Variants in MARCHF4 observed in about 807,000 individuals in gnomAD.
The protein encoded by MARCHF4 is E3 ubiquitin-protein ligase MARCHF4.
MARCHF4 carries 14 observed loss-of-function variants against 43.9 expected under a neutral mutation model. The observed-to-expected ratio is 0.32, with a 90% CI of 0.21 to 0.50. The LOEUF (loss-of-function observed/expected upper bound fraction) is 0.50, where lower values mean the gene tolerates loss of function less well. Among genes scored for constraint, MARCHF4 ranks in the 20% least tolerant of loss-of-function variants. MARCHF4 has a pLI of 0.98. For synonymous variants in MARCHF4, 226 were observed against 213.3 expected (o/e 1.06, Z -0.52); for missense variants, 468 against 536.7 (o/e 0.87, Z 1.27).
At chr2:216,328,323 C>T (rs1309229827) in intron 1 of MARCHF4, among the ~76,000 whole-genome samples, 1 of 152,208 alleles carries the variant, frequency 6.6e-6, no homozygotes, top group Non-Finnish European at 1.5e-5. Flanking sequence ...GTGTGCACCA[C>T]CATGCCCGGC....
At position 216,354,988 on chromosome 2, in the gene MARCHF4, T is replaced by C. The variant is rs181472976; in HGVS notation, c.516+14757A>G. Among the ~76,000 whole-genome samples, 299 of 144,162 alleles carry C rather than the reference T, an allele frequency of 2.1e-3. 4 individuals carry two copies. The highest frequency in any genetic ancestry group is 2.7e-3 in the Non-Finnish European group (178 of 66,580). The allele number at this position is 144,162 out of a possible 152,430, so 94.6% of individuals were successfully genotyped here. A position where few individuals can be genotyped will look rare whatever the true frequency, so the allele number is the denominator to read the frequency against. On this transcript the variant is annotated intron_variant, in intron 1 of 3. Coordinates refer to ENST00000273067, the MANE Select transcript of MARCHF4 (RefSeq NM_020814.3). ...CTTTCTTTCTTTCTTTCTTTCTTTT[T>C]TGAGACAGAGTCTAACTTTGTCACC...
intron 1 of MARCHF4, among the ~76,000 whole-genome samples, chr2:216,328,287 A>G (rs1207197509): frequency 6.6e-6 from 1 of 152,176 alleles, no homozygotes; most frequent in Non-Finnish European, 1.5e-5. Flanking sequence ...CTCCTGCCTC[A>G]GCCTCCCAAG....
rs1691415262 is a variant in MARCHF4 at position 216,297,490 on chromosome 2, A to G, written c.517-13761T>C. On this transcript the variant is annotated intron_variant, in intron 1 of 3. Coordinates refer to ENST00000273067, the MANE Select transcript of MARCHF4 (RefSeq NM_020814.3). ...TGTTTCCGTCCAAAGGAGAGAGGCC[A>G]TAGCCCATGGTCTTCTTCTTGGTTT... 2.0e-5 allele frequency among the ~76,000 whole-genome samples: 3 copies of G among 152,120 alleles called. No individual in the cohort carries two copies. The South Asian group carries it at 6.2e-4, about 31-fold the overall frequency.
At position 216,338,305 on chromosome 2, in the gene MARCHF4, C is replaced by T. The variant is rs146938453; in HGVS notation, c.516+31440G>A. On this transcript the variant is annotated intron_variant, in intron 1 of 3. Transcript: ENST00000273067. ...GCTGTCTCTCCCAGAGCACTGACCC[C>T]GGCAATCTACACTACCTAGACACCA... Among the ~76,000 whole-genome samples, 111 of 152,278 alleles carry T rather than the reference C, an allele frequency of 7.3e-4. 2 individuals carry two copies. The highest frequency in any genetic ancestry group is 2.0e-3 in the Admixed American group (31 of 15,294).
intron 3 of MARCHF4, among the ~76,000 whole-genome samples, chr2:216,275,660 AT>A (rs143154409): frequency 0.011 from 1,638 of 152,276 alleles, 23 homozygotes; most frequent in African/African-American, 0.037. Flanking sequence ...CGGTCTTCAA[AT>A]CTGTAGAGCC....
At chr2:216,292,547 C>CATCT (rs1691324859) in intron 1 of MARCHF4, among the ~76,000 whole-genome samples, 1 of 152,208 alleles carries the variant, frequency 6.6e-6, no homozygotes, top group African/African-American at 2.4e-5. Context: ...CGTATTAGAT[C>CATCT]ATCTCTATGA....
At chr2:216,355,330 A>G (rs1390730155) in intron 1 of MARCHF4, among the ~76,000 whole-genome samples, 1 of 152,136 alleles carries the variant, frequency 6.6e-6, no homozygotes, top group Non-Finnish European at 1.5e-5. Context: ...ACTTTCAAGC[A>G]CATATAAAAG....
At chr2:216,340,906 T>C (rs536173081) in intron 1 of MARCHF4, among the ~76,000 whole-genome samples, 95 of 152,262 alleles carry the variant, frequency 6.2e-4, no homozygotes, top group African/African-American at 2.1e-3. Flanking sequence ...AGGCACCTTG[T>C]CCAAGGTCAC....
rs1254966243 is a variant in MARCHF4 at position 216,370,456 on chromosome 2, C to T, written c.-196G>A. ...AAGTGTGAGTCACTGGTTCTGAACTCCACCTGGAAAGCCCAATAACAAAAA... is the reference window on the plus strand; with the variant it reads ...AAGTGTGAGTCACTGGTTCTGAACTTCACCTGGAAAGCCCAATAACAAAAA... On this transcript the variant is annotated 5_prime_UTR_variant, in exon 1 of 4. Transcript: ENST00000273067. 3 of 487,858 alleles carry T rather than the reference C, an allele frequency of 6.1e-6. No homozygotes were observed. The highest frequency in any genetic ancestry group is 1.1e-5 in the Non-Finnish European group (3 of 281,038). The allele number at this position is 487,858 out of a possible 1,614,324, so 30.2% of individuals were successfully genotyped here.
At chr2:216,294,805 T>C (rs1018272459) in intron 1 of MARCHF4, among the ~76,000 whole-genome samples, 1 of 152,220 alleles carries the variant, frequency 6.6e-6, no homozygotes, top group African/African-American at 2.4e-5. Context: ...AAGACTCTTA[T>C]GTATACAAAG....
intron 1 of MARCHF4, among the ~76,000 whole-genome samples, chr2:216,286,165 G>A (rs1350009276): frequency 2.6e-5 from 4 of 152,212 alleles, no homozygotes; most frequent in Non-Finnish European, 5.9e-5. Context: ...TTCCCCTCCA[G>A]CGAACCATTC....
intron 1 of MARCHF4, among the ~76,000 whole-genome samples, chr2:216,348,553 C>T (rs1559105070): frequency 6.6e-6 from 1 of 152,154 alleles, no homozygotes; most frequent in African/African-American, 2.4e-5. Context: ...GGAAGTCCCC[C>T]TATGTGGTCT....
chr2:216,318,073 TAC>T (rs1239883580), intron 1 of MARCHF4: 2 of 152,248 alleles, frequency 1.3e-5, no homozygotes, highest in Non-Finnish European at 2.9e-5. Context: ...CTTTCCTTCT[TAC>T]AGCAGGAAGC....
In MARCHF4 at chr2:216,343,524, C is replaced by T. The variant is rs955324397; in HGVS notation, c.516+26221G>A. Among the ~76,000 whole-genome samples the T allele has an allele frequency of 2.0e-5, 3 of 152,074 alleles. No individual in the cohort carries two copies. In the South Asian group the frequency reaches 6.2e-4, roughly 32 times the overall value. The stretch of plus-strand genomic sequence containing the variant: ...GAGGTTAGGATTTCAGCATATGATC[C>T]GGGTGCTGGGGGCGGTGCACAAACA... On this transcript the variant is annotated intron_variant, in intron 1 of 3. Transcript: ENST00000273067.
intron 1 of MARCHF4, among the ~76,000 whole-genome samples, chr2:216,330,587 G>A (rs908776258): frequency 2.0e-5 from 3 of 152,090 alleles, no homozygotes; most frequent in South Asian, 4.1e-4. Context: ...CCAAGTCTAC[G>A]TGAAATGTTT....
At chr2:216,267,486 G>A (rs1690864554) in intron 3 of MARCHF4, among the ~76,000 whole-genome samples, 1 of 152,178 alleles carries the variant, frequency 6.6e-6, no homozygotes, top group African/African-American at 2.4e-5. Context: ...GAGATGGAAG[G>A]AGTTTGGGAC....
intron 1 of MARCHF4, among the ~76,000 whole-genome samples, chr2:216,297,233 G>A (rs561982841): frequency 2.0e-4 from 31 of 152,122 alleles, no homozygotes; most frequent in African/African-American, 7.5e-4. Context: ...TCTAGAGCTG[G>A]GAAGGGCCTG....
intron 1 of MARCHF4, among the ~76,000 whole-genome samples, chr2:216,349,144 T>C (rs1384554312): frequency 6.6e-6 from 1 of 152,152 alleles, no homozygotes; most frequent in East Asian, 1.9e-4. Flanking sequence ...TAATTCCCAG[T>C]GTGGTGAGCA....
intron 2 of MARCHF4, among the ~76,000 whole-genome samples, chr2:216,279,717 A>G (rs573575954): frequency 2.4e-4 from 36 of 152,354 alleles, no homozygotes; most frequent in African/African-American, 7.5e-4. Context: ...ATCAGCGTCT[A>G]CATTTAATTA....
Sources: allele counts gnomAD v4.1 joint callset (sites outside exome capture counted in the v4.1 genomes callset), GRCh38; gene constraint gnomAD v4.1.1; transcripts MANE v1.5; gene names NCBI Gene and HGNC (gene_info 2026-07-23, HGNC 2026-07-21).